Variants in RCBTB1 observed in about 807,000 individuals in gnomAD.
RCBTB1 encodes the protein RCC1 and BTB domain-containing protein 1.
In RCBTB1, 46 loss-of-function variants were observed where a neutral mutation model predicts 62.4. The ratio of observed to expected loss-of-function variants is 0.74; its 90% confidence interval spans 0.58 to 0.94. RCBTB1 has a LOEUF of 0.94. RCBTB1 is among the 40% of genes least tolerant of loss of function. RCBTB1 has a pLI of 0.00. For missense variants in RCBTB1, 565 were observed against 654.9 expected (o/e 0.86, Z 1.50); for synonymous variants, 222 against 245.8 (o/e 0.90, Z 0.91).
intron 7 of RCBTB1, 85 bp from the exon 8 acceptor site, chr13:49,551,553 T>C (rs1961343677): frequency 6.9e-7 from 1 of 1,448,798 alleles, no homozygotes; most frequent in Non-Finnish European, 9.4e-7. Context: ...AGCCAGCTTC[T>C]GCAGAATGCC....
chr13:49,542,869 G>A (rs1175672820), intron 10 of RCBTB1, among the ~76,000 whole-genome samples: 2 of 152,162 alleles, frequency 1.3e-5, no homozygotes, highest in African/African-American at 4.8e-5. Flanking sequence ...ACAAGAAACT[G>A]ATTTCTGAAT....
At chr13:49,547,241 A>G (rs926851732) in intron 9 of RCBTB1, 1 of 1,180,848 alleles carries the variant, frequency 8.5e-7, no homozygotes, top group African/African-American at 1.6e-5. Flanking sequence ...GGGAGTATTC[A>G]ATTGGTTTCA....
chr13:49,546,239 A>G, intron 9 of RCBTB1: 2 of 985,478 alleles, frequency 2.0e-6, no homozygotes, highest in Non-Finnish European at 2.4e-6. Context: ...CAACAAGTAT[A>G]GTACATCCTT....
chr13:49,558,056 T>C (rs1011644085), intron 5 of RCBTB1, among the ~76,000 whole-genome samples: 2 of 152,362 alleles, frequency 1.3e-5, no homozygotes, highest in Non-Finnish European at 2.9e-5. Flanking sequence ...CATTTTGTTA[T>C]AACACTAATG....
intron 12 of RCBTB1, 112 bp downstream of exon 12, chr13:49,540,764 C>G (rs1960280091): frequency 8.6e-7 from 1 of 1,167,172 alleles, no homozygotes; most frequent in East Asian, 2.6e-5. Context: ...TCACTGATTC[C>G]CTAAACAGAA....
At chr13:49,540,298 C>A (rs957018115) in intron 12 of RCBTB1, among the ~76,000 whole-genome samples, 1 of 152,168 alleles carries the variant, frequency 6.6e-6, no homozygotes, top group African/African-American at 2.4e-5. Context: ...AAAATGCACA[C>A]AAACTTTCAG....
In RCBTB1 at chr13:49,567,245, A is replaced by G; in HGVS notation, c.35T>C (p.Leu12Pro). 1.2e-6 allele frequency: 2 copies of G among 1,614,072 alleles called. No individual in the cohort carries two copies. Among genetic ancestry groups the G allele is most frequent in the Non-Finnish European group, 1.7e-6 (2 of 1,179,976 alleles). ...VDVGKWPIFT[L>P]LSPQEIASIR... ...AGACGCGATCTCTTGAGGGGAGAGT[A>G]GAGTGAAGATGGGCCACTTTCCGAC... Residue 12 changes from leucine (L) to proline (P), a missense_variant, in exon 3 of 13, where the codon CTA (leucine) becomes CCA (proline). By Grantham distance (98) the Leu-to-Pro change is moderately conservative (BLOSUM62 -3). Transcript: ENST00000378302.
Position 49,544,808 on chromosome 13 carries a change from T to C in RCBTB1, c.1101A>G (p.Pro367=), listed in dbSNP as rs148632653. 134 of 1,611,276 alleles carry C rather than the reference T, an allele frequency of 8.3e-5. 1 individual carries two copies. The African/African-American group carries it at 1.6e-3, about 19-fold the overall frequency. The change falls in exon 10 of 13, where the codon CCA becomes CCG. Residue 367 remains proline, a synonymous_variant. Transcript: ENST00000378302. Reference sequence around the variant, plus strand: ...TTCGAAACTTCAGATCAGCAGTTTCTGGACTATCAAATTCTTTCTTCAGTG... The same window carrying C: ...TTCGAAACTTCAGATCAGCAGTTTCCGGACTATCAAATTCTTTCTTCAGTG... ...AESLKKEFDS[P]ETADLKFRID...
At chr13:49,561,703 T>C (rs149302573) in intron 4 of RCBTB1, among the ~76,000 whole-genome samples, 2 of 151,870 alleles carry the variant, frequency 1.3e-5, no homozygotes, top group East Asian at 3.9e-4. Context: ...ACAAATTGAT[T>C]AGAAAGTTTA....
intron 4 of RCBTB1, among the ~76,000 whole-genome samples, chr13:49,561,720 A>C (rs1962441155): frequency 6.6e-6 from 1 of 152,116 alleles, no homozygotes; most frequent in African/African-American, 2.4e-5. Context: ...TTTAATGGGA[A>C]GAATAAACAA....
At position 49,551,421 on chromosome 13, in the gene RCBTB1, C is replaced by T. The variant is rs777153155; in HGVS notation, c.759G>A (p.Leu253=). Reference sequence around the variant, plus strand: ...ATGTGTTAGCTCCCCAGGCATACAGCAAGCCCTCATCTGTTAGTGCTAGAG... The same window carrying T: ...ATGTGTTAGCTCCCCAGGCATACAGTAAGCCCTCATCTGTTAGTGCTAGAG... The part of the protein sequence containing the change: ...AHTLALTDEG[L]LYAWGANTYG... Residue 253 remains leucine (L), a synonymous_variant, in exon 8 of 13, where the codon TTG becomes TTA. Transcript: ENST00000378302. 1.1e-5 allele frequency: 17 copies of T among 1,614,138 alleles called. No individual in the cohort carries two copies. Among genetic ancestry groups the T allele is most frequent in the South Asian group, 2.2e-5 (2 of 91,088 alleles).
intron 6 of RCBTB1, among the ~76,000 whole-genome samples, chr13:49,555,037 C>G (rs1998781): frequency 0.85 from 129,257 of 152,234 alleles, 55,008 homozygotes; most frequent in East Asian, 0.9. Flanking sequence ...ACTAAAGGGA[C>G]AGTTGTTAAA....
chr13:49,534,068 C>T lies in RCBTB1; in HGVS notation c.*54G>A. ...CATCACCCGTAGAGCACAAACTGGA[C>T]ACATCCTCAACAGTGCCCCAGAGCA... On this transcript the variant is annotated 3_prime_UTR_variant, in exon 13 of 13. Transcript: ENST00000378302. 2 of 1,564,876 alleles carry T rather than the reference C, an allele frequency of 1.3e-6. No individual in the cohort carries two copies. The highest frequency in any genetic ancestry group is 2.3e-5 in the East Asian group (1 of 44,284).
In RCBTB1 at chr13:49,534,276, A is replaced by G. The variant is rs1959764354; in HGVS notation, c.1456-14T>C. 25 of 1,602,706 alleles carry G rather than the reference A, an allele frequency of 1.6e-5. 1 individual carries two copies. Among genetic ancestry groups the G allele is most frequent in the Non-Finnish European group, 2.1e-5 (25 of 1,174,010 alleles). On this transcript the variant is annotated splice_polypyrimidine_tract_variant and intron_variant, in intron 12 of 12. Coordinates refer to ENST00000378302, the MANE Select transcript of RCBTB1 (RefSeq NM_018191.4). Reference sequence around the variant, plus strand: ...TTCTTCTAAATCCTGGACACACAACAAAAATAAAAACAAAAATGGCTTTTT... The same window carrying G: ...TTCTTCTAAATCCTGGACACACAACGAAAATAAAAACAAAAATGGCTTTTT...
At chr13:49,558,662 C>G (rs971288102) in intron 5 of RCBTB1, among the ~76,000 whole-genome samples, 5 of 147,472 alleles carry the variant, frequency 3.4e-5, no homozygotes, top group Admixed American at 6.8e-5. Context: ...CCATTGCACT[C>G]CAGCCTGGGC....
At chr13:49,572,705 G>C (rs563281642) in intron 2 of RCBTB1, among the ~76,000 whole-genome samples, 1 of 152,304 alleles carries the variant, frequency 6.6e-6, no homozygotes, top group African/African-American at 2.4e-5. Context: ...TCAGGAGGCT[G>C]AGGTGGGAGG....
chr13:49,560,158 C>T (rs574044850), intron 4 of RCBTB1, 74 bp from the exon 5 acceptor site: 20 of 1,497,676 alleles, frequency 1.3e-5, no homozygotes, highest in Middle Eastern at 1.8e-4. Flanking sequence ...CCCAGAACTT[C>T]GTACAGCTCC....
chr13:49,574,760 G>C (rs987594250), intron 2 of RCBTB1, among the ~76,000 whole-genome samples: 4 of 150,772 alleles, frequency 2.7e-5, no homozygotes, highest in African/African-American at 4.9e-5. Flanking sequence ...AGAACTGAAA[G>C]CAGAGACTTG....
intron 11 of RCBTB1, among the ~76,000 whole-genome samples, chr13:49,541,354 T>C (rs1489292947): frequency 6.6e-6 from 1 of 151,902 alleles, no homozygotes; most frequent in Non-Finnish European, 1.5e-5. Flanking sequence ...GGTTGACAGG[T>C]ACAGCAAACC....
Sources: gnomAD v4.1 joint callset for allele counts (sites outside exome capture counted in the v4.1 genomes callset) on GRCh38, gnomAD v4.1.1 for gene constraint, MANE v1.5 for transcripts, NCBI Gene and HGNC (gene_info 2026-07-23, HGNC 2026-07-21) for gene names.